EIF3G: variants seen among roughly 807,000 people sequenced by gnomAD.
EIF3G encodes eukaryotic translation initiation factor 3 RNA-binding subunit.
Under a neutral mutation model 41.7 loss-of-function variants are expected in EIF3G, and 10 were observed. The ratio of observed to expected loss-of-function variants is 0.24; its 90% CI spans 0.15 to 0.41. The LOEUF (loss-of-function observed/expected upper bound fraction) is 0.41, where lower values mean the gene tolerates loss of function less well. Among genes scored for constraint, EIF3G ranks in the 10% least tolerant of loss-of-function variants. The probability of loss-of-function intolerance (pLI) is 1.00; values close to 1 mark genes in which losing one functional copy is unlikely to be tolerated. For missense variants in EIF3G, 297 were observed against 444.0 expected (o/e 0.67, Z 2.98); for synonymous variants, 204 against 172.5 (o/e 1.18, Z -1.43).
chr19:10,116,834 G>A lies in EIF3G; in HGVS notation c.561C>T (p.Gly187=), dbSNP rs1376235841. ...PMQKELAEQL[G]LSTGEKEKLP... ...GCTTCTCCTTCTCGCCAGTAGACAG[G>A]CCCAGCTGCTCGGCCAGCTCCTTCT... The change falls in exon 7 of 11, where the codon GGC becomes GGT. Residue 187 remains glycine, a synonymous_variant. Transcript: ENST00000253108. The surrounding 1 kb of genome is among the most constrained non-coding windows in gnomAD (Gnocchi z 4.1). 6.2e-7 allele frequency: 1 copy of A among 1,607,166 alleles called. No individual in the cohort carries two copies. Among genetic ancestry groups the A allele is most frequent in the Non-Finnish European group, 8.5e-7 (1 of 1,175,742 alleles).
At chr19:10,118,369 C>A (rs1158508682) in intron 5 of EIF3G, 4 of 370,560 alleles carry the variant, frequency 1.1e-5, no homozygotes, top group African/African-American at 4.2e-5. Flanking sequence ...AGTTCGAGAC[C>A]AGCCTGGCCA....
chr19:10,118,838 G>T (rs907314163), intron 4 of EIF3G, 30 bp downstream of exon 4: 1 of 1,610,498 alleles, frequency 6.2e-7, no homozygotes, highest in Non-Finnish European at 8.5e-7. Context: ...AAGCACAAGG[G>T]TCCCCACTCC....
At position 10,116,582 on chromosome 19, in the gene EIF3G, C is replaced by G; in HGVS notation, c.595+218G>C. The G allele has an allele frequency of 1.8e-6, 1 of 555,116 alleles. No individual in the cohort carries two copies. The highest frequency in any genetic ancestry group is 2.9e-5 in the East Asian group (1 of 34,592). The allele number at this position is 555,116 out of a possible 1,614,324, so 34.4% of individuals were successfully genotyped here. The stretch of plus-strand genomic sequence containing the variant: ...AGACAGCAGCTCATCAGGACAGTCA[C>G]AGGGCCACCAGCAAAGTCACAGCTG... On this transcript the variant is annotated intron_variant, in intron 7 of 10. Transcript: ENST00000253108. The surrounding 1 kb of genome is among the most constrained non-coding windows in gnomAD (Gnocchi z 4.1).
In EIF3G at chr19:10,115,948, G is replaced by GC; in HGVS notation, c.703+18dup. The stretch of plus-strand genomic sequence containing the variant: ...CGGGAGGTGCCCACCCACCAGCCTG[G>GC]CGTCGGGGTGCCCCTCACCTCTGCG... On this transcript the variant is annotated intron_variant, in intron 8 of 10. Transcript: ENST00000253108. 6.2e-7 allele frequency: 1 copy of GC among 1,610,492 alleles called. No individual in the cohort carries two copies.
At chr19:10,117,692 G>A (rs1391684044) in intron 5 of EIF3G, 2 of 152,996 alleles carry the variant, frequency 1.3e-5, no homozygotes, top group African/African-American at 2.4e-5. Context: ...TATTGCTAAC[G>A]CTTCTTCCAA....
In EIF3G at chr19:10,116,269, C is replaced by G. The variant is rs1599325619; in HGVS notation, c.596-195G>C. The G allele has an allele frequency of 1.6e-5, 10 of 613,598 alleles. No individual in the cohort carries two copies. The East Asian group carries it at 2.5e-4, about 15-fold the overall frequency. The allele number at this position is 613,598 out of a possible 1,614,324, so 38.0% of individuals were successfully genotyped here. On this transcript the variant is annotated intron_variant, in intron 7 of 10. Transcript: ENST00000253108. The surrounding 1 kb of genome is among the most constrained non-coding windows in gnomAD (Gnocchi z 4.1). ...CCATTTGAGCTCCCAGCCAGCGACA[C>G]TGGTGGAGGAGGAGGAGGAGGAGCC...
chr19:10,116,010 G>A lies in EIF3G; in HGVS notation c.660C>T (p.Asp220=), dbSNP rs200490441. ...TGGACTCCCCGCGGCGGCTGGCCCCGTCGCGCAGGCTCGGCGGCACATACT... is the reference window on the plus strand; with the variant it reads ...TGGACTCCCCGCGGCGGCTGGCCCCATCGCGCAGGCTCGGCGGCACATACT... ...TGKYVPPSLR[D]GASRRGESMQ... is the part of the protein sequence containing the mutation. The change falls in exon 8 of 11, where the codon GAC becomes GAT. Residue 220 remains aspartate, a synonymous_variant. Coordinates refer to ENST00000253108, the MANE Select transcript of EIF3G (RefSeq NM_003755.5). The surrounding 1 kb of genome is among the most constrained non-coding windows in gnomAD (Gnocchi z 4.1). 484 of 1,613,718 alleles carry A rather than the reference G, an allele frequency of 3.0e-4. No individual in the cohort carries two copies. Among genetic ancestry groups the A allele is most frequent in the Non-Finnish European group, 3.9e-4 (456 of 1,179,866 alleles).
intron 2 of EIF3G, 171 bp from the exon 3 acceptor site, chr19:10,119,342 C>T (rs2089286503): frequency 1.2e-6 from 1 of 832,256 alleles, no homozygotes; most frequent in Admixed American, 2.0e-5. Context: ...CTCGGAGTGG[C>T]AAGGATGGGA....
Position 10,116,373 on chromosome 19 carries a change from A to C in EIF3G, c.596-299T>G, listed in dbSNP as rs2145227437. 1 of 531,382 alleles carries C rather than the reference A, an allele frequency of 1.9e-6. No individual in the cohort carries two copies. The highest frequency in any genetic ancestry group is 3.3e-5 in the East Asian group (1 of 30,762). The allele number at this position is 531,382 out of a possible 1,614,324, so 32.9% of individuals were successfully genotyped here. ...CACAGCAACGGCAGACATGGGACAC[A>C]CAACAGGAACAGCGCCCAGGTCCCC... On this transcript the variant is annotated intron_variant, in intron 7 of 10. Coordinates refer to ENST00000253108, the MANE Select transcript of EIF3G (RefSeq NM_003755.5). The surrounding 1 kb of genome is among the most constrained non-coding windows in gnomAD (Gnocchi z 4.1).
Position 10,116,059 on chromosome 19 carries a change from T to C in EIF3G, c.611A>G (p.Gln204Arg), listed in dbSNP as rs1467510622. 6.2e-7 allele frequency: 1 copy of C among 1,613,898 alleles called. No individual in the cohort carries two copies. Among genetic ancestry groups the C allele is most frequent in the Admixed American group, 1.7e-5 (1 of 59,982 alleles). The change falls in exon 8 of 11, where the codon CAG (glutamine) becomes CGG (arginine). Residue 204 changes from glutamine to arginine, a missense_variant. By Grantham distance (43) the Gln-to-Arg change is conservative. Coordinates refer to ENST00000253108, the MANE Select transcript of EIF3G (RefSeq NM_003755.5). This position sits in a 1 kb window ranked among gnomAD's most constrained non-coding sequence, Gnocchi z 4.1. ...CTTCCCTGTCTTGTTCTGCGTGGCC[T>C]GCACCGGCTCTAGCTCTGGGGACCA... Reference protein sequence around the residue: ...EKLPGELEPVQATQNKTGKYV... With the variant: ...EKLPGELEPVRATQNKTGKYV...
Position 10,117,098 on chromosome 19 carries a change from T to C in EIF3G, c.391A>G (p.Ile131Val). Residue 131 changes from isoleucine (I) to valine (V), a missense_variant, in exon 6 of 11, where the codon ATC becomes GTC. This residue lies in a region of EIF3G where 26 missense variants were observed against 80.8 expected (regional missense o/e 0.32). Transcript: ENST00000253108. ...GCCCCGCTTACCTCTTTGCTGGTGA[T>C]GAACGTCATAGAGACATCGTCACTG... The part of the protein sequence containing the change: ...TVSDDVSMTF[I>V]TSKEDLNCQE... 6.2e-7 allele frequency: 1 copy of C among 1,613,680 alleles called. No homozygotes were observed. The highest frequency in any genetic ancestry group is 8.5e-7 in the Non-Finnish European group (1 of 1,179,796).
Position 10,118,896 on chromosome 19 carries a change from T to C in EIF3G, c.212A>G (p.Lys71Arg). ...NGNIKTVTEY[K>R]IDEDGKKFKI... ...GAACTTCTTGCCATCCTCATCTATC[T>C]TGTACTCTGTCACTGTCTTTATGTT... The change falls in exon 4 of 11, where the codon AAG becomes AGG. Residue 71 changes from lysine to arginine, a missense_variant. Physicochemically the swap from Lys to Arg is conservative, Grantham distance 26. Transcript: ENST00000253108. The C allele has an allele frequency of 6.2e-7, 1 of 1,613,894 alleles. No individual in the cohort carries two copies. Among genetic ancestry groups the C allele is most frequent in the South Asian group, 1.1e-5 (1 of 91,076 alleles).
At position 10,116,802 on chromosome 19, in the gene EIF3G, C is replaced by G. The variant is rs777497675; in HGVS notation, c.593G>C (p.Gly198Ala). Residue 198 changes from glycine to alanine, a missense_variant and splice_region_variant, in exon 7 of 11, where the codon GGA (glycine) becomes GCA (alanine). This residue lies in a region of EIF3G where 33 missense variants were observed against 30.3 expected (regional missense o/e 1.09). Coordinates refer to ENST00000253108, the MANE Select transcript of EIF3G (RefSeq NM_003755.5). The surrounding 1 kb of genome is among the most constrained non-coding windows in gnomAD (Gnocchi z 4.1). ...GCAGGACCCTCCCACCCCCACACCT[C>G]CCGGCAGCTTCTCCTTCTCGCCAGT... The part of the protein sequence containing the change: ...LSTGEKEKLP[G>A]ELEPVQATQN... The G allele has an allele frequency of 7.0e-6, 11 of 1,581,332 alleles. No individual in the cohort carries two copies. The highest frequency in any genetic ancestry group is 9.5e-6 in the Non-Finnish European group (11 of 1,160,960).
chr19:10,119,007 C>A, intron 3 of EIF3G, 51 bp from the exon 4 acceptor site: 1 of 1,613,402 alleles, frequency 6.2e-7, no homozygotes, highest in Non-Finnish European at 8.5e-7. Flanking sequence ...TCATGGGGAT[C>A]AGGAGCGGCA....
At position 10,116,583 on chromosome 19, in the gene EIF3G, AGG is replaced by A. The variant is rs997336724; in HGVS notation, c.595+215_595+216del. 10 of 552,756 alleles carry A rather than the reference AGG, an allele frequency of 1.8e-5. No homozygotes were observed. In the African/African-American group the frequency reaches 1.9e-4, roughly 10 times the overall value. 34.2% of individuals were successfully genotyped at this position (552,756 alleles called of 1,614,324 possible). On this transcript the variant is annotated intron_variant, in intron 7 of 10. Transcript: ENST00000253108. This position sits in a 1 kb window ranked among gnomAD's most constrained non-coding sequence, Gnocchi z 4.1. The stretch of plus-strand genomic sequence containing the variant: ...GACAGCAGCTCATCAGGACAGTCAC[AGG>A]GCCACCAGCAAAGTCACAGCTGCCA...
At position 10,116,815 on chromosome 19, in the gene EIF3G, C is replaced by G. The variant is rs759722830; in HGVS notation, c.580G>C (p.Glu194Gln). The G allele has an allele frequency of 9.4e-6, 15 of 1,593,218 alleles. No individual in the cohort carries two copies. The highest frequency in any genetic ancestry group is 1.3e-5 in the African/African-American group (1 of 74,394). The part of the protein sequence containing the change: ...EQLGLSTGEK[E>Q]KLPGELEPVQ... ...ACCCCCACACCTCCCGGCAGCTTCT[C>G]CTTCTCGCCAGTAGACAGGCCCAGC... Residue 194 changes from glutamate (E) to glutamine (Q), a missense_variant, in exon 7 of 11, where the codon GAG becomes CAG. This residue lies in a region of EIF3G where 33 missense variants were observed against 30.3 expected (regional missense o/e 1.09). Coordinates refer to ENST00000253108, the MANE Select transcript of EIF3G (RefSeq NM_003755.5). This position sits in a 1 kb window ranked among gnomAD's most constrained non-coding sequence, Gnocchi z 4.1.
Position 10,115,734 on chromosome 19 carries a change from A to G in EIF3G, c.790T>C (p.Ser264Pro), listed in dbSNP as rs2089233334. The change falls in exon 9 of 11, where the codon TCC becomes CCC. Residue 264 changes from serine to proline, a missense_variant. Around this residue, in one of 4 missense-constraint regions of EIF3G, gnomAD observed 91 missense variants for 170.5 expected, o/e 0.53. Coordinates refer to ENST00000253108, the MANE Select transcript of EIF3G (RefSeq NM_003755.5). ...DLQELFRPFG[S>P]ISRIYLAKDK... ...TTAGCCAGGTAGATGCGGGAGATGGAGCCGAAAGGCCGGAAGAGCTCCTGC... is the reference window on the plus strand; with the variant it reads ...TTAGCCAGGTAGATGCGGGAGATGGGGCCGAAAGGCCGGAAGAGCTCCTGC... 6.2e-7 allele frequency: 1 copy of G among 1,614,122 alleles called. No individual in the cohort carries two copies. Among genetic ancestry groups the G allele is most frequent in the Non-Finnish European group, 8.5e-7 (1 of 1,180,020 alleles).
At position 10,115,058 on chromosome 19, in the gene EIF3G, C is replaced by T. The variant is rs994732666; in HGVS notation, c.*56G>A. 76 of 1,612,068 alleles carry T rather than the reference C, an allele frequency of 4.7e-5. No homozygotes were observed. Among genetic ancestry groups the T allele is most frequent in the South Asian group, 1.7e-4 (15 of 90,626 alleles). On this transcript the variant is annotated 3_prime_UTR_variant, in exon 11 of 11. Coordinates refer to ENST00000253108, the MANE Select transcript of EIF3G (RefSeq NM_003755.5). ...TTATTGCCCTTGGAGCCCGCGCTCT[C>T]GGAGGCTGTCTTCTGTCGCCAAGGG...
rs748451179 is a variant in EIF3G at position 10,115,952 on chromosome 19, C to T, written c.703+15G>A. 11 of 1,583,170 alleles carry T rather than the reference C, an allele frequency of 6.9e-6. No homozygotes were observed. The highest frequency in any genetic ancestry group is 1.7e-4 in the Middle Eastern group (1 of 5,962). ...AGGTGCCCACCCACCAGCCTGGCGT[C>T]GGGGTGCCCCTCACCTCTGCGGTTG... On this transcript the variant is annotated intron_variant, in intron 8 of 10. Transcript: ENST00000253108.
Sources: allele counts gnomAD v4.1 joint callset, GRCh38; gene constraint gnomAD v4.1.1; regional missense constraint gnomAD v4.1.1; non-coding constraint Gnocchi (gnomAD v3.1); transcripts MANE v1.5; gene names NCBI Gene and HGNC (gene_info 2026-07-23, HGNC 2026-07-21).